FAM193A: variants seen among roughly 807,000 people sequenced by gnomAD.
FAM193A encodes protein FAM193A.
Under a neutral mutation model 126.5 loss-of-function variants are expected in FAM193A, and 22 were observed. The observed-to-expected ratio is 0.17, with a 90% confidence interval of 0.12 to 0.25. FAM193A has a LOEUF of 0.25. Among genes scored for constraint, FAM193A ranks in the 10% least tolerant of loss-of-function variants. The pLI is 1.00. For synonymous variants in FAM193A, 761 were observed against 646.8 expected (o/e 1.18, Z -2.68); for missense variants, 1,675 against 1,672.8 (o/e 1.00, Z -0.02).
intron 1 of FAM193A, among the ~76,000 whole-genome samples, chr4:2,557,044 A>G (rs555394859): frequency 6.6e-6 from 1 of 152,242 alleles, no homozygotes; most frequent in Non-Finnish European, 1.5e-5. Context: ...GAAATTGCAG[A>G]TAATACTCAA....
At chr4:2,646,391 C>T (rs1463546280) in intron 6 of FAM193A, among the ~76,000 whole-genome samples, 3 of 151,716 alleles carry the variant, frequency 2.0e-5, no homozygotes, top group Non-Finnish European at 2.9e-5. Flanking sequence ...ATGCTGGTCT[C>T]GATCTCCCGA....
chr4:2,699,442 C>CT (rs1553912483), intron 18 of FAM193A, among the ~76,000 whole-genome samples: 1 of 85,522 alleles, frequency 1.2e-5, no homozygotes, highest in Non-Finnish European at 2.6e-5. Flanking sequence ...TACCACCCCC[C>CT]CCCCCACACA....
chr4:2,724,029 CTT>C (rs35528557), intron 20 of FAM193A, among the ~76,000 whole-genome samples: 12,894 of 147,636 alleles, frequency 0.087, 992 homozygotes, highest in African/African-American at 0.21. Flanking sequence ...AACAGAATGT[CTT>C]TTTTTTTTTT....
chr4:2,552,772 C>T (rs774397174), intron 1 of FAM193A, among the ~76,000 whole-genome samples: 2 of 148,950 alleles, frequency 1.3e-5, no homozygotes, highest in Admixed American at 1.4e-4. Context: ...CTCATGACCT[C>T]GGGATCCGCC....
intron 1 of FAM193A, among the ~76,000 whole-genome samples, chr4:2,582,080 C>T (rs1255638670): frequency 2.0e-5 from 3 of 152,092 alleles, no homozygotes; most frequent in Admixed American, 2.0e-4. Context: ...AAGAATCCTG[C>T]TGTAATTGTT....
chr4:2,666,808 T>C (rs1706309420), intron 12 of FAM193A, among the ~76,000 whole-genome samples: 1 of 152,246 alleles, frequency 6.6e-6, no homozygotes, highest in South Asian at 2.1e-4. Context: ...TTCTATACTG[T>C]TATAATCCTT....
rs148200106 is a variant in FAM193A, at chr4:2,566,205, G to A, written c.255+29035G>A. The stretch of plus-strand genomic sequence containing the variant: ...TGGGACTACAGGCGCCCGCCACCTC[G>A]CCCGGCTAATTTTTTGTATTTTTAG... On this transcript the variant is annotated intron_variant, in intron 1 of 20. Transcript: ENST00000637812. 8.6e-3 allele frequency among the ~76,000 whole-genome samples: 1,302 copies of A among 152,066 alleles called. 15 individuals carry two copies. The highest frequency in any genetic ancestry group is 0.03 in the African/African-American group (1,248 of 41,490).
intron 7 of FAM193A, among the ~76,000 whole-genome samples, chr4:2,653,703 A>G (rs1577143854): frequency 6.6e-6 from 1 of 152,182 alleles, no homozygotes; most frequent in African/African-American, 2.4e-5. Flanking sequence ...CAGCCTCCCA[A>G]AGTGCTGGGA....
chr4:2,574,651 C>T (rs887992275), intron 1 of FAM193A, among the ~76,000 whole-genome samples: 1 of 152,168 alleles, frequency 6.6e-6, no homozygotes, highest in Non-Finnish European at 1.5e-5. Flanking sequence ...CTTTCCAGGA[C>T]TGCAGCCTCT....
chr4:2,601,061 T>C (rs1049044355), intron 2 of FAM193A, among the ~76,000 whole-genome samples: 26 of 152,164 alleles, frequency 1.7e-4, no homozygotes, highest in Admixed American at 1.0e-3. Flanking sequence ...TCTGGGCTGT[T>C]GTGCGGTATG....
chr4:2,537,353 G>C (rs1171716774), intron 1 of FAM193A, among the ~76,000 whole-genome samples, 183 bp downstream of exon 1: 3 of 152,176 alleles, frequency 2.0e-5, no homozygotes, highest in Non-Finnish European at 4.4e-5. Context: ...CAGGTGGGCC[G>C]TGCTCGGCGT....
chr4:2,685,961 G>T (rs544722181), intron 13 of FAM193A, among the ~76,000 whole-genome samples: 1 of 152,298 alleles, frequency 6.6e-6, no homozygotes, highest in Admixed American at 6.5e-5. Flanking sequence ...AGCTTTGTGG[G>T]TTTGTATAAC....
At chr4:2,585,720 C>T (rs1449849905) in intron 1 of FAM193A, among the ~76,000 whole-genome samples, 2 of 151,988 alleles carry the variant, frequency 1.3e-5, no homozygotes, top group African/African-American at 2.4e-5. Context: ...TGAGGTCAGG[C>T]GTTCAAGACG....
chr4:2,673,328 A>G (rs1348655458), intron 13 of FAM193A, among the ~76,000 whole-genome samples: 1 of 152,212 alleles, frequency 6.6e-6, no homozygotes, highest in Non-Finnish European at 1.5e-5. Context: ...CAGTTTTTCC[A>G]AACACATGTG....
chr4:2,601,282 G>A (rs375486411), intron 2 of FAM193A, among the ~76,000 whole-genome samples: 6 of 144,912 alleles, frequency 4.1e-5, no homozygotes, highest in South Asian at 2.2e-4. Context: ...GCCCAGGCTG[G>A]AGTGCAGTGG....
chr4:2,645,813 C>A (rs1745079571), intron 6 of FAM193A, among the ~76,000 whole-genome samples: 1 of 152,206 alleles, frequency 6.6e-6, no homozygotes, highest in Admixed American at 6.5e-5. Context: ...AGGCGTGAGC[C>A]ACTGCACCTG....
At chr4:2,657,635 AG>A (rs1711870146) in intron 7 of FAM193A, among the ~76,000 whole-genome samples, 167 bp from the exon 8 acceptor site, 1 of 152,220 alleles carries the variant, frequency 6.6e-6, no homozygotes, top group Non-Finnish European at 1.5e-5. Context: ...AGTAAAATAA[AG>A]AAATACCTGT....
intron 12 of FAM193A, among the ~76,000 whole-genome samples, chr4:2,665,727 A>G (rs1713034363): frequency 6.6e-6 from 1 of 152,118 alleles, no homozygotes; most frequent in Non-Finnish European, 1.5e-5. Context: ...GGGTCTCACT[A>G]TGTTGCCCAG....
chr4:2,590,617 G>A (rs1740516037), intron 1 of FAM193A, among the ~76,000 whole-genome samples: 1 of 151,972 alleles, frequency 6.6e-6, no homozygotes, highest in South Asian at 2.1e-4. Flanking sequence ...AGCATTTACT[G>A]GGCGCCTACT....
Sources: allele counts gnomAD v4.1 joint callset (sites outside exome capture counted in the v4.1 genomes callset), GRCh38; gene constraint gnomAD v4.1.1; transcripts MANE v1.5; gene names NCBI Gene and HGNC (gene_info 2026-07-23, HGNC 2026-07-21).